The following CCDC85A variants were observed in gnomAD, a reference collection of about 807,000 sequenced individuals.
CCDC85A encodes the protein coiled-coil domain-containing protein 85A.
A neutral mutation model predicts 50.2 loss-of-function variants in CCDC85A; 38 were observed. The ratio of observed to expected loss-of-function variants is 0.76; its 90% CI spans 0.58 to 0.99. The LOEUF is 0.99. Among genes scored for constraint, CCDC85A ranks in the 50% least tolerant of loss-of-function variants. The pLI, the probability that CCDC85A is intolerant of heterozygous loss-of-function variation, is 0.00. For missense variants in CCDC85A, 820 were observed against 742.0 expected, an observed-to-expected ratio of 1.11 and a Z score of -1.22; for synonymous variants, 366 against 301.4, an observed-to-expected ratio of 1.21 and a Z score of -2.22.
intron 2 of CCDC85A, among the ~76,000 whole-genome samples, chr2:56,198,608 T>C (rs141119699): frequency 2.3e-4 from 35 of 152,334 alleles, no homozygotes; most frequent in African/African-American, 6.7e-4. Flanking sequence ...ATTGAAAATA[T>C]AGTTTGTTTA....
chr2:56,372,593 A>T, intron 4 of CCDC85A, 115 bp downstream of exon 4: 3 of 1,198,500 alleles, frequency 2.5e-6, no homozygotes, highest in Non-Finnish European at 3.3e-6. Context: ...CATGAAAGAA[A>T]GTTGTATGTC....
chr2:56,343,884 A>G (rs78509460), intron 3 of CCDC85A, among the ~76,000 whole-genome samples: 15,163 of 152,290 alleles, frequency 0.1, 952 homozygotes, highest in East Asian at 0.31. Flanking sequence ...AAATTTGAAC[A>G]TTAATGCAAA....
chr2:56,355,455 T>G (rs575442297), intron 3 of CCDC85A, among the ~76,000 whole-genome samples: 4 of 152,292 alleles, frequency 2.6e-5, no homozygotes, highest in South Asian at 4.1e-4. Context: ...CTTCATAGTA[T>G]CTCACAAAAA....
chr2:56,275,274 C>A (rs1230179333), intron 2 of CCDC85A, among the ~76,000 whole-genome samples: 1 of 152,146 alleles, frequency 6.6e-6, no homozygotes, highest in African/African-American at 2.4e-5. Context: ...AATACAGCAA[C>A]CTGTATTCAT....
chr2:56,184,878 T>A lies in CCDC85A; in HGVS notation c.254T>A (p.Leu85His). The A allele has an allele frequency of 6.6e-7, 1 of 1,525,530 alleles. No individual in the cohort carries two copies. Among genetic ancestry groups the A allele is most frequent in the Non-Finnish European group, 8.8e-7 (1 of 1,139,638 alleles). 94.5% of individuals were successfully genotyped at this position (1,525,530 alleles called of 1,614,324 possible). ...GTGAACCGCCGCCTGCAGCTGCACC[T>A]CGGCGAGATCCGCGGCCTCAAGGTG... The part of the protein sequence containing the change: ...REVNRRLQLH[L>H]GEIRGLKDIN... The change falls in exon 1 of 6, where the codon CTC (leucine) becomes CAC (histidine). Residue 85 changes from leucine (L) to histidine (H), a missense_variant. Coordinates refer to ENST00000407595, the MANE Select transcript of CCDC85A (RefSeq NM_001080433.2).
At chr2:56,318,400 G>GCTTT (rs1360442960) in intron 2 of CCDC85A, among the ~76,000 whole-genome samples, 1 of 151,966 alleles carries the variant, frequency 6.6e-6, no homozygotes, top group East Asian at 1.9e-4. Context: ...ACCACGACTG[G>GCTTT]CTTTCATTCA....
At chr2:56,265,014 C>T (rs1034485348) in intron 2 of CCDC85A, among the ~76,000 whole-genome samples, 3 of 152,132 alleles carry the variant, frequency 2.0e-5, no homozygotes, top group Non-Finnish European at 2.9e-5. Flanking sequence ...GTAACAACAG[C>T]CCCCACCCCT....
At chr2:56,200,530 T>G (rs1299773563) in intron 2 of CCDC85A, among the ~76,000 whole-genome samples, 1 of 152,194 alleles carries the variant, frequency 6.6e-6, no homozygotes, top group African/African-American at 2.4e-5. Flanking sequence ...TTCAAGTTAC[T>G]GCTGCTCCTG....
At chr2:56,318,075 A>G (rs960020941) in intron 2 of CCDC85A, among the ~76,000 whole-genome samples, 1 of 152,130 alleles carries the variant, frequency 6.6e-6, no homozygotes, top group Non-Finnish European at 1.5e-5. Context: ...CTATCAATAC[A>G]TCACTTCCTA....
In CCDC85A at chr2:56,184,100, G is replaced by A. The variant is rs1675879725; in HGVS notation, c.-525G>A. 2.0e-6 allele frequency: 2 copies of A among 985,370 alleles called. No individual in the cohort carries two copies. The highest frequency in any genetic ancestry group is 2.4e-6 in the Non-Finnish European group (2 of 830,100). 61.0% of individuals were successfully genotyped at this position (985,370 alleles called of 1,614,324 possible). ...CAGCAGCCTTCGGGCAGCCGCGGCG[G>A]CGTCGCTAGAGCAGCCGGGGAGGCG... is the stretch of plus-strand genomic sequence containing the variant. On this transcript the variant is annotated 5_prime_UTR_variant, in exon 1 of 6. Transcript: ENST00000407595.
intron 2 of CCDC85A, among the ~76,000 whole-genome samples, chr2:56,236,596 A>G (rs921964416): frequency 6.6e-6 from 1 of 152,116 alleles, no homozygotes; most frequent in Non-Finnish European, 1.5e-5. Flanking sequence ...TTTATTTTTT[A>G]TTAACTCTCC....
intron 2 of CCDC85A, among the ~76,000 whole-genome samples, chr2:56,240,294 C>T (rs575351805): frequency 7.9e-5 from 12 of 152,216 alleles, no homozygotes; most frequent in South Asian, 6.2e-4. Flanking sequence ...TCAGATTGGC[C>T]GCTGGCTGAG....
At position 56,206,902 on chromosome 2, in the gene CCDC85A, G is replaced by A. The variant is rs146476536; in HGVS notation, c.1240+13462G>A. ...ACTGGAGAGTTTTTGCAATGAAGGA[G>A]TCATCAGTTAAGAAAATCTATCTTC... is the stretch of plus-strand genomic sequence containing the variant. On this transcript the variant is annotated intron_variant, in intron 2 of 5. Coordinates refer to ENST00000407595, the MANE Select transcript of CCDC85A (RefSeq NM_001080433.2). Among the ~76,000 whole-genome samples the A allele has an allele frequency of 4.9e-3, 751 of 152,250 alleles. 4 individuals carry two copies. The highest frequency in any genetic ancestry group is 9.7e-3 in the Admixed American group (149 of 15,298).
At chr2:56,316,347 C>T (rs10167104) in intron 2 of CCDC85A, among the ~76,000 whole-genome samples, 4,205 of 151,826 alleles carry the variant, frequency 0.028, 207 homozygotes, top group African/African-American at 0.096. Context: ...TTTTTTTTCT[C>T]GTATATATTT....
chr2:56,193,394 G>A lies in CCDC85A; in HGVS notation c.1194G>A (p.Gln398=). 2 of 1,611,212 alleles carry A rather than the reference G, an allele frequency of 1.2e-6. No homozygotes were observed. Residue 398 remains glutamine, a synonymous_variant, in exon 2 of 6, where the codon CAG becomes CAA. Transcript: ENST00000407595. ...AGGGCACCCTCAGACGGCAGGCACA[G>A]GAGGACGGGTCACCCCATCACCGGA... ...SREGTLRRQA[Q]EDGSPHHRNV...
chr2:56,197,670 TG>T (rs1676582215), intron 2 of CCDC85A, among the ~76,000 whole-genome samples: 1 of 152,202 alleles, frequency 6.6e-6, no homozygotes, highest in Non-Finnish European at 1.5e-5. Flanking sequence ...TCAGGCTTCC[TG>T]GGAAGAAGAA....
At chr2:56,194,106 A>C (rs1284000245) in intron 2 of CCDC85A, among the ~76,000 whole-genome samples, 1 of 152,174 alleles carries the variant, frequency 6.6e-6, no homozygotes, top group Non-Finnish European at 1.5e-5. Flanking sequence ...ACTGTCATCA[A>C]ACTCCCTTAT....
At chr2:56,269,652 G>A (rs935447000) in intron 2 of CCDC85A, among the ~76,000 whole-genome samples, 2 of 152,128 alleles carry the variant, frequency 1.3e-5, no homozygotes, top group African/African-American at 4.8e-5. Context: ...ACATTCAGTT[G>A]TCGTAAGTCA....
intron 3 of CCDC85A, among the ~76,000 whole-genome samples, chr2:56,354,506 C>G (rs1050387007): frequency 2.0e-5 from 3 of 152,192 alleles, no homozygotes; most frequent in Non-Finnish European, 4.4e-5. Context: ...CTGAAATAGC[C>G]ACTAAGAAGT....
Sources: allele counts gnomAD v4.1 joint callset (sites outside exome capture counted in the v4.1 genomes callset), GRCh38; gene constraint gnomAD v4.1.1; transcripts MANE v1.5; gene names NCBI Gene and HGNC (gene_info 2026-07-23, HGNC 2026-07-21).